TMEM145: variants seen among roughly 807,000 people sequenced by gnomAD.
The protein encoded by TMEM145 is transmembrane protein 145.
A neutral mutation model predicts 68.5 loss-of-function variants in TMEM145; 46 were observed. The ratio of observed to expected loss-of-function variants is 0.67; its 90% CI spans 0.53 to 0.86. The LOEUF (loss-of-function observed/expected upper bound fraction) is 0.86, where lower values mean the gene tolerates loss of function less well. Among genes scored for constraint, TMEM145 ranks in the 40% least tolerant of loss-of-function variants. The pLI is 0.00. For synonymous variants in TMEM145, 255 were observed against 280.2 expected (o/e 0.91, Z 0.90); for missense variants, 570 against 645.8 (o/e 0.88, Z 1.27).
In TMEM145 at chr19:42,314,821, G is replaced by C. The variant is rs766993834; in HGVS notation, c.390G>C (p.Leu130=). 4 of 1,614,102 alleles carry C rather than the reference G, an allele frequency of 2.5e-6. No individual in the cohort carries two copies. Among genetic ancestry groups the C allele is most frequent in the Admixed American group, 1.7e-5 (1 of 60,016 alleles). The change falls in exon 5 of 15, where the codon CTG becomes CTC. Residue 130 remains leucine (L), a synonymous_variant. Transcript: ENST00000301204. ...TATCAGAGGAGGGAACCCGCTACCTGAGCTGCTCCAGTGGCCGCAGCTTCC... is the reference window on the plus strand; with the variant it reads ...TATCAGAGGAGGGAACCCGCTACCTCAGCTGCTCCAGTGGCCGCAGCTTCC... The part of the protein sequence containing the change: ...QVVSEEGTRY[L]SCSSGRSFRS...
intron 5 of TMEM145, 25 bp from the exon 6 acceptor site, chr19:42,314,968 C>T (rs1431939962): frequency 8.1e-6 from 13 of 1,613,864 alleles, no homozygotes; most frequent in Admixed American, 1.7e-5. Context: ...CCAGGGCCCC[C>T]CTTAGGCCTC....
At chr19:42,324,152 C>G in intron 14 of TMEM145, 1 of 726,852 alleles carries the variant, frequency 1.4e-6, no homozygotes, top group Non-Finnish European at 1.7e-6. Context: ...CCCAGTCCTT[C>G]CCTGACTGAC....
At position 42,315,193 on chromosome 19, in the gene TMEM145, C is replaced by G. The variant is rs1243143077; in HGVS notation, c.511C>G (p.Leu171Val). The G allele has an allele frequency of 3.7e-6, 6 of 1,610,420 alleles. No individual in the cohort carries two copies. Among genetic ancestry groups the G allele is most frequent in the Non-Finnish European group, 5.1e-6 (6 of 1,177,506 alleles). ...TCCTCCTACCAAATCGGCAGGGATC[C>G]TGGAGACAGATGTGACCTTCCTCCT... ...RHFSADEFGILETDVTFLLIF... is the reference protein window; with the variant it reads ...RHFSADEFGIVETDVTFLLIF... Residue 171 changes from leucine (L) to valine (V), a missense_variant, in exon 7 of 15, where the codon CTG becomes GTG. Coordinates refer to ENST00000301204, the MANE Select transcript of TMEM145 (RefSeq NM_173633.3).
chr19:42,313,527 G>A lies in TMEM145; in HGVS notation c.120+31G>A. On this transcript the variant is annotated intron_variant, in intron 1 of 14. Transcript: ENST00000301204. This position sits in a 1 kb window ranked among gnomAD's most constrained non-coding sequence, Gnocchi z 5.1. ...CATGCCGAGCCCTCCTCTGCGGCCC[G>A]CCGGCCCCCGGGGGACGCAAGGGAG... is the stretch of plus-strand genomic sequence containing the variant. 2 of 1,255,916 alleles carry A rather than the reference G, an allele frequency of 1.6e-6. No individual in the cohort carries two copies. Among genetic ancestry groups the A allele is most frequent in the South Asian group, 3.3e-5 (1 of 30,312 alleles). 77.8% of individuals were successfully genotyped at this position (1,255,916 alleles called of 1,614,324 possible). A position where few individuals can be genotyped will look rare whatever the true frequency, so the allele number is the denominator to read the frequency against.
Position 42,324,758 on chromosome 19 carries a change from G to C in TMEM145, c.1423G>C (p.Asp475His), listed in dbSNP as rs1260003906. The C allele has an allele frequency of 9.0e-6, 14 of 1,560,354 alleles. No individual in the cohort carries two copies. Among genetic ancestry groups the C allele is most frequent in the Non-Finnish European group, 1.2e-5 (14 of 1,161,906 alleles). The change falls in exon 15 of 15, where the codon GAT becomes CAT. Residue 475 changes from aspartate (D) to histidine (H), a missense_variant. Asp to His is a moderately conservative substitution (Grantham distance 81). Coordinates refer to ENST00000301204, the MANE Select transcript of TMEM145 (RefSeq NM_173633.3). Reference sequence around the variant, plus strand: ...TCAGCCCCTGCCCCGAGCGGCGCCGGATTCTGGGCTCCCGCTGTTCCGTGA... The same window carrying C: ...TCAGCCCCTGCCCCGAGCGGCGCCGCATTCTGGGCTCCCGCTGTTCCGTGA... ...ATSPLPRAAPDSGLPLFRDLR... is the reference protein window; with the variant it reads ...ATSPLPRAAPHSGLPLFRDLR...
chr19:42,324,607 A>T, intron 14 of TMEM145, 130 bp from the exon 15 acceptor site: 1 of 1,312,052 alleles, frequency 7.6e-7, no homozygotes, highest in Non-Finnish European at 9.7e-7. Context: ...CCGGCCCGAG[A>T]GCTCGCCCAT....
At chr19:42,318,740 G>A (rs541414555) in intron 12 of TMEM145, among the ~76,000 whole-genome samples, 1 of 151,564 alleles carries the variant, frequency 6.6e-6, no homozygotes, top group African/African-American at 2.4e-5. Context: ...GCAAGCATAG[G>A]CCACTATATG....
chr19:42,314,402 A>G (rs1378955225), intron 2 of TMEM145, 49 bp from the exon 3 acceptor site: 1 of 1,613,848 alleles, frequency 6.2e-7, no homozygotes, highest in Non-Finnish European at 8.5e-7. Context: ...TTGGCCTCCA[A>G]AGGCACAGGC....
intron 11 of TMEM145, 58 bp from the exon 12 acceptor site, chr19:42,317,651 G>A (rs1368142419): frequency 1.3e-6 from 2 of 1,588,086 alleles, no homozygotes; most frequent in Admixed American, 3.4e-5. Context: ...GTGGGGTCCG[G>A]GGACCCTAAT....
At chr19:42,324,233 C>T in intron 14 of TMEM145, 1 of 981,044 alleles carries the variant, frequency 1.0e-6, no homozygotes, top group Non-Finnish European at 1.2e-6. Flanking sequence ...CCGCATCTGC[C>T]CCCCGAGGGT....
chr19:42,314,723 G>A (rs1387953154), intron 4 of TMEM145, 24 bp downstream of exon 4: 1 of 1,614,044 alleles, frequency 6.2e-7, no homozygotes, highest in Non-Finnish European at 8.5e-7. Context: ...CTGGGGGAGT[G>A]GGCAGGTGCT....
At chr19:42,317,004 G>A (rs745478725) in intron 11 of TMEM145, 41 bp downstream of exon 11, 4 of 1,570,882 alleles carry the variant, frequency 2.5e-6, no homozygotes, top group Middle Eastern at 1.9e-4. Context: ...GCCTTCCCCT[G>A]CTTTTGGCGC....
chr19:42,324,684 C>T (rs1454474365), intron 14 of TMEM145, 53 bp from the exon 15 acceptor site: 3 of 828,984 alleles, frequency 3.6e-6, no homozygotes, highest in East Asian at 2.6e-4. Flanking sequence ...CGCCCCCCTC[C>T]CCTCTGTGCC....
At chr19:42,322,793 C>A (rs1018221782) in intron 13 of TMEM145, among the ~76,000 whole-genome samples, 3 of 151,840 alleles carry the variant, frequency 2.0e-5, no homozygotes, top group African/African-American at 7.3e-5. Context: ...ACCTCTGCCT[C>A]CTGGGTTCAA....
At chr19:42,324,113 C>T (rs922910308) in intron 14 of TMEM145, among the ~76,000 whole-genome samples, 10 of 151,172 alleles carry the variant, frequency 6.6e-5, no homozygotes, top group Non-Finnish European at 1.2e-4. Flanking sequence ...CCTTTGAGTA[C>T]CTGGCCCCGC....
chr19:42,321,386 GT>G (rs751803295), intron 13 of TMEM145: 10,657 of 159,746 alleles, frequency 0.067, 194 homozygotes, highest in African/African-American at 0.15. Flanking sequence ...CGGTTAAGTG[GT>G]TTTTTTTTTT....
At chr19:42,323,487 A>C in intron 13 of TMEM145, 96 bp from the exon 14 acceptor site, 2 of 1,173,562 alleles carry the variant, frequency 1.7e-6, no homozygotes, top group Non-Finnish European at 2.4e-6. Flanking sequence ...AGTGTGGTGG[A>C]TGTCAACTGA....
intron 8 of TMEM145, among the ~76,000 whole-genome samples, chr19:42,316,235 G>T (rs1239626676): frequency 1.3e-5 from 2 of 150,304 alleles, no homozygotes; most frequent in East Asian, 4.0e-4. Flanking sequence ...GGGTCTGAGG[G>T]GGGAGGGGGT....
Position 42,313,315 on chromosome 19 carries a change from T to G in TMEM145, c.-62T>G. ...GGCGCGCGCTGGCCAGCCCGCGCGC[T>G]CTCGCCTCCATTGCCGGGCCAGTGC... On this transcript the variant is annotated 5_prime_UTR_variant, in exon 1 of 15. Transcript: ENST00000301204. This position sits in a 1 kb window ranked among gnomAD's most constrained non-coding sequence, Gnocchi z 5.1. 1.6e-6 allele frequency: 1 copy of G among 608,274 alleles called. No homozygotes were observed. Among genetic ancestry groups the G allele is most frequent in the Non-Finnish European group, 2.3e-6 (1 of 428,382 alleles). The allele number at this position is 608,274 out of a possible 1,614,324, so 37.7% of individuals were successfully genotyped here. A position where few individuals can be genotyped will look rare whatever the true frequency, so the allele number is the denominator to read the frequency against.
Sources: gnomAD v4.1 joint callset for allele counts (sites outside exome capture counted in the v4.1 genomes callset) on GRCh38, gnomAD v4.1.1 for gene constraint, Gnocchi (gnomAD v3.1) non-coding constraint, MANE v1.5 for transcripts, NCBI Gene and HGNC (gene_info 2026-07-23, HGNC 2026-07-21) for gene names.